The following TBCD variants were observed in gnomAD, a reference collection of about 807,000 sequenced individuals.
TBCD encodes tubulin-specific chaperone D.
Under a neutral mutation model 169.3 loss-of-function variants are expected in TBCD, and 105 were observed. That is an observed-to-expected ratio of 0.62 (90% CI 0.53 to 0.73). The LOEUF is 0.73. Among genes scored for constraint, TBCD ranks in the 30% least tolerant of loss-of-function variants. TBCD has a pLI of 0.00. For synonymous variants in TBCD, 700 were observed against 643.9 expected (o/e 1.09, Z -1.32); for missense variants, 1,444 against 1,600.1 (o/e 0.90, Z 1.66).
chr17:82,894,901 C>T lies in TBCD; in HGVS notation c.1649+1269C>T, dbSNP rs182892616. 5.9e-5 allele frequency among the ~76,000 whole-genome samples: 9 copies of T among 152,256 alleles called. No individual in the cohort carries two copies. In the East Asian group the frequency reaches 7.7e-4, roughly 13 times the overall value. Reference sequence around the variant, plus strand: ...CTGAGGCAGGAGAATCACTTGAGCCCGGGAAGCGGAGGCTGCAGTGAGCCG... The same window carrying T: ...CTGAGGCAGGAGAATCACTTGAGCCTGGGAAGCGGAGGCTGCAGTGAGCCG... On this transcript the variant is annotated intron_variant, in intron 17 of 38. Transcript: ENST00000355528.
intron 5 of TBCD, among the ~76,000 whole-genome samples, chr17:82,771,791 C>CA (rs1172412290): frequency 2.0e-5 from 3 of 151,402 alleles, no homozygotes; most frequent in African/African-American, 4.9e-5. Context: ...AAAACAACAG[C>CA]AAAAAAACCC....
intron 13 of TBCD, among the ~76,000 whole-genome samples, chr17:82,823,603 G>GC (rs143548099): frequency 0.011 from 1,669 of 152,156 alleles, 42 homozygotes; most frequent in African/African-American, 0.037. Context: ...ACGGCAGTGG[G>GC]CCCCCGTTAA....
At chr17:82,776,062 C>A (rs1227951728) in intron 6 of TBCD, among the ~76,000 whole-genome samples, 1 of 151,880 alleles carries the variant, frequency 6.6e-6, no homozygotes, top group Non-Finnish European at 1.5e-5. Flanking sequence ...ACTAAAAATA[C>A]AAAAAAATTA....
At position 82,832,804 on chromosome 17, in the gene TBCD, A is replaced by G. The variant is rs1224054962; in HGVS notation, c.1318+17870A>G. Among the ~76,000 whole-genome samples the G allele has an allele frequency of 6.6e-6, 1 of 151,984 alleles. No homozygotes were observed. Among genetic ancestry groups the G allele is most frequent in the Non-Finnish European group, 1.5e-5 (1 of 67,988 alleles). On this transcript the variant is annotated intron_variant, in intron 13 of 38. Transcript: ENST00000355528. This position sits in a 1 kb window ranked among gnomAD's most constrained non-coding sequence, Gnocchi z 4.9. ...CCGGTCACAGAAGCAGCCCTGCCCT[A>G]CCCTTGGTAACCTGGCTGCTGACTC... is the stretch of plus-strand genomic sequence containing the variant.
Position 82,920,567 on chromosome 17 carries a change from A to G in TBCD, c.2050A>G (p.Ile684Val). 1 of 1,541,862 alleles carries G rather than the reference A, an allele frequency of 6.5e-7. No homozygotes were observed. The highest frequency in any genetic ancestry group is 8.7e-7 in the Non-Finnish European group (1 of 1,144,938). The change falls in exon 24 of 39, where the codon ATA becomes GTA. Residue 684 changes from isoleucine (I) to valine (V), a missense_variant. Transcript: ENST00000355528. The surrounding 1 kb of genome is among the most constrained non-coding windows in gnomAD (Gnocchi z 4.1). ...QLMRQAVCVLIEKLSLSKMPF... is the reference protein window; with the variant it reads ...QLMRQAVCVLVEKLSLSKMPF... ...TTTTTTTTTTCCAGTGTGTGTTTTA[A>G]TAGAAAAGTTGTCACTTTCCAAAAT...
intron 3 of TBCD, among the ~76,000 whole-genome samples, chr17:82,765,484 CTA>C (rs1314804173): frequency 6.6e-6 from 1 of 152,034 alleles, no homozygotes; most frequent in Non-Finnish European, 1.5e-5. Flanking sequence ...GCAGTTTTGA[CTA>C]TGGAAGTACT....
At chr17:82,899,357 G>A (rs542172782) in intron 17 of TBCD, among the ~76,000 whole-genome samples, 38 of 84,450 alleles carry the variant, frequency 4.5e-4, no homozygotes, top group African/African-American at 1.3e-3. Context: ...GTGCGTGTCC[G>A]CAGTGCGTCC....
chr17:82,854,671 G>C (rs375391390), intron 13 of TBCD, among the ~76,000 whole-genome samples: 18 of 152,188 alleles, frequency 1.2e-4, no homozygotes, highest in Non-Finnish European at 2.5e-4. Flanking sequence ...CAGACTGCTG[G>C]GGGGAGCTGG....
chr17:82,939,532 G>A, intron 37 of TBCD, 56 bp downstream of exon 37: 1 of 1,380,330 alleles, frequency 7.2e-7, no homozygotes, highest in Middle Eastern at 1.8e-4. Context: ...CCCTCTTCCT[G>A]TCCCCACCGT....
intron 5 of TBCD, among the ~76,000 whole-genome samples, chr17:82,771,863 G>A (rs952167755): frequency 6.6e-6 from 1 of 151,620 alleles, no homozygotes; most frequent in Non-Finnish European, 1.5e-5. Context: ...GGCGGAGCTT[G>A]CAGTGAGCCG....
rs1405539414 is a variant in TBCD, at chr17:82,915,329, C to T, written c.2038+3540C>T. Among the ~76,000 whole-genome samples, 1 of 152,158 alleles carries T rather than the reference C, an allele frequency of 6.6e-6. No individual in the cohort carries two copies. The highest frequency in any genetic ancestry group is 1.5e-5 in the Non-Finnish European group (1 of 68,030). On this transcript the variant is annotated intron_variant, in intron 23 of 38. Coordinates refer to ENST00000355528, the MANE Select transcript of TBCD (RefSeq NM_005993.5). The surrounding 1 kb of genome is among the most constrained non-coding windows in gnomAD (Gnocchi z 4.3). ...ACATTTTGTGGGAAAAGTGGCTCAA[C>T]CCTTGGGAGTCGTCTGCGTCCCCAT...
Position 82,906,071 on chromosome 17 carries a change from C to A in TBCD, c.1922+18C>A. On this transcript the variant is annotated intron_variant, in intron 20 of 38. Coordinates refer to ENST00000355528, the MANE Select transcript of TBCD (RefSeq NM_005993.5). ...GAGAACAGGTAGGAAGAGTGGGTCTCGAGGAGACACAGGGCTCTGTCCCTG... is the reference window on the plus strand; with the variant it reads ...GAGAACAGGTAGGAAGAGTGGGTCTAGAGGAGACACAGGGCTCTGTCCCTG... 2 of 1,566,618 alleles carry A rather than the reference C, an allele frequency of 1.3e-6. No individual in the cohort carries two copies. The highest frequency in any genetic ancestry group is 1.2e-5 in the South Asian group (1 of 86,442).
At chr17:82,777,842 C>T (rs57119180) in intron 6 of TBCD, among the ~76,000 whole-genome samples, 15,837 of 128,986 alleles carry the variant, frequency 0.12, 2,205 homozygotes, top group African/African-American at 0.37. Context: ...TAAACTCCCC[C>T]GGGGAAAGGG....
chr17:82,932,681 C>T lies in TBCD; in HGVS notation c.3137C>T (p.Thr1046Met), dbSNP rs541191622. Residue 1046 changes from threonine (T) to methionine (M), a missense_variant, in exon 34 of 39, where the codon ACG (threonine) becomes ATG (methionine). Transcript: ENST00000355528. ...AGGGTGTCCGTGCCGCTGCTGAAGA[C>T]GCTGGACCACGTGCTCACCCACGGC... ...NERVSVPLLK[T>M]LDHVLTHGCF... 4.0e-5 allele frequency: 64 copies of T among 1,613,794 alleles called. No homozygotes were observed. Among genetic ancestry groups the T allele is most frequent in the Non-Finnish European group, 5.1e-5 (60 of 1,179,878 alleles).
At chr17:82,863,341 G>A (rs1567912133) in intron 13 of TBCD, among the ~76,000 whole-genome samples, 1 of 152,182 alleles carries the variant, frequency 6.6e-6, no homozygotes, top group Non-Finnish European at 1.5e-5. Context: ...TCGCAGACCC[G>A]GACGCAGCGT....
In TBCD at chr17:82,782,612, C is replaced by T. The variant is rs1404319136; in HGVS notation, c.771+891C>T. On this transcript the variant is annotated intron_variant, in intron 7 of 38. Transcript: ENST00000355528. This position sits in a 1 kb window ranked among gnomAD's most constrained non-coding sequence, Gnocchi z 5.1. ...CTGCCTTTGTGATGATCCCAAAGTG[C>T]TGGGATTACAGGCTTGAGCCGCCGC... 1.3e-5 allele frequency among the ~76,000 whole-genome samples: 2 copies of T among 152,182 alleles called. No homozygotes were observed. Among genetic ancestry groups the T allele is most frequent in the African/African-American group, 4.8e-5 (2 of 41,448 alleles).
intron 13 of TBCD, 84 bp downstream of exon 13, chr17:82,815,018 G>A (rs1452242191): frequency 7.6e-6 from 12 of 1,578,668 alleles, no homozygotes; most frequent in Non-Finnish European, 6.0e-6. Flanking sequence ...ATCTCGACTC[G>A]TGGATGGTGA....
At chr17:82,855,817 G>A (rs1453331679) in intron 13 of TBCD, among the ~76,000 whole-genome samples, 2 of 151,976 alleles carry the variant, frequency 1.3e-5, no homozygotes, top group African/African-American at 4.8e-5. Flanking sequence ...CCAACCCCTG[G>A]CACCTGCCAG....
intron 7 of TBCD, among the ~76,000 whole-genome samples, chr17:82,792,034 G>A (rs2049769804): frequency 6.6e-6 from 1 of 152,220 alleles, no homozygotes; most frequent in Non-Finnish European, 1.5e-5. Flanking sequence ...CATCAGCTGG[G>A]CACGGTGGAT....
Sources: gnomAD v4.1 joint callset for allele counts (sites outside exome capture counted in the v4.1 genomes callset) on GRCh38, gnomAD v4.1.1 for gene constraint, Gnocchi (gnomAD v3.1) non-coding constraint, MANE v1.5 for transcripts, NCBI Gene and HGNC (gene_info 2026-07-23, HGNC 2026-07-21) for gene names.